The following PNPLA6 variants were observed in gnomAD, a reference collection of about 807,000 sequenced individuals.
PNPLA6 encodes the protein patatin-like phospholipase domain-containing protein 6.
PNPLA6 carries 105 observed loss-of-function variants against 153.7 expected under a neutral mutation model. The observed-to-expected ratio is 0.68, with a 90% CI of 0.58 to 0.80. The LOEUF (loss-of-function observed/expected upper bound fraction) is 0.80, where lower values mean the gene tolerates loss of function less well. PNPLA6 is among the 30% of genes least tolerant of loss of function. The pLI, the probability that PNPLA6 is intolerant of heterozygous loss-of-function variation, is 0.00. For synonymous variants in PNPLA6, 825 were observed against 822.2 expected, an observed-to-expected ratio of 1.00 and a Z score of -0.06; for missense variants, 1,423 against 1,919.3, an observed-to-expected ratio of 0.74 and a Z score of 4.83.
Position 7,550,336 on chromosome 19 carries a change from C to T in PNPLA6, c.1853C>T (p.Ala618Val), listed in dbSNP as rs568356836. ...CAGCCCAGTGTGGTGCTGAGTGCGGCGCACACGGTGGCAGCCAGGATGTCG... is the reference window on the plus strand; with the variant it reads ...CAGCCCAGTGTGGTGCTGAGTGCGGTGCACACGGTGGCAGCCAGGATGTCG... ...RAQPSVVLSAAHTVAARMSPF... is the reference protein window; with the variant it reads ...RAQPSVVLSAVHTVAARMSPF... Residue 618 changes from alanine (A) to valine (V), a missense_variant, in exon 15 of 32, where the codon GCG (alanine) becomes GTG (valine). This residue lies in a region of PNPLA6 where 119 missense variants were observed against 163.7 expected (regional missense o/e 0.73). Transcript: ENST00000600737. 3.7e-6 allele frequency: 6 copies of T among 1,612,604 alleles called. No individual in the cohort carries two copies. The highest frequency in any genetic ancestry group is 1.1e-5 in the South Asian group (1 of 91,090).
chr19:7,552,245 C>G (rs1357986513), intron 18 of PNPLA6, among the ~76,000 whole-genome samples: 1 of 152,206 alleles, frequency 6.6e-6, no homozygotes, highest in Non-Finnish European at 1.5e-5. Flanking sequence ...CCTGTTTCAG[C>G]CTGTGGCTTC....
intron 13 of PNPLA6, among the ~76,000 whole-genome samples, chr19:7,546,702 C>G (rs762115341): frequency 1.4e-4 from 22 of 152,128 alleles, no homozygotes; most frequent in Non-Finnish European, 2.8e-4. Flanking sequence ...AGCCACTGCA[C>G]CCGGCCTTAT....
rs1341352356 is a variant in PNPLA6 at position 7,555,282 on chromosome 19, G to T, written c.2851G>T (p.Ala951Ser). Residue 951 changes from alanine (A) to serine (S), a missense_variant, in exon 23 of 32, where the codon GCG (alanine) becomes TCG (serine). Ala to Ser is a moderately conservative substitution (Grantham distance 99). Transcript: ENST00000600737. The surrounding 1 kb of genome is among the most constrained non-coding windows in gnomAD (Gnocchi z 6.3). ...CTACGAGAAGGTTTTCTCCAGGCGC[G>T]CGGACCGGCACAGCGACTTCTCCCG... ...ELYEKVFSRR[A>S]DRHSDFSRLA... 6.9e-6 allele frequency: 11 copies of T among 1,595,766 alleles called. No homozygotes were observed. Among genetic ancestry groups the T allele is most frequent in the African/African-American group, 1.3e-5 (1 of 74,784 alleles).
At position 7,541,435 on chromosome 19, in the gene PNPLA6, G is replaced by T. The variant is rs772913881; in HGVS notation, c.1005+1G>T. The T allele has an allele frequency of 6.2e-7, 1 of 1,613,538 alleles. No individual in the cohort carries two copies. The highest frequency in any genetic ancestry group is 8.5e-7 in the Non-Finnish European group (1 of 1,179,578). The stretch of plus-strand genomic sequence containing the variant: ...TCTGACCAATGAGCTCTTCAGCCAC[G>T]TGAGTGGGTGGCGGGGAGCGAGCAC... On this transcript the variant is annotated splice_donor_variant, in intron 8 of 31. Coordinates refer to ENST00000600737, the MANE Select transcript of PNPLA6 (RefSeq NM_001166114.2). LOFTEE classifies it high-confidence loss of function. The surrounding 1 kb of genome is among the most constrained non-coding windows in gnomAD (Gnocchi z 5.2).
At chr19:7,549,861 C>T (rs775838518) in intron 13 of PNPLA6, 46 bp from the exon 14 acceptor site, 1 of 1,576,804 alleles carries the variant, frequency 6.3e-7, no homozygotes, top group Admixed American at 1.7e-5. Flanking sequence ...GAGCTGGGGT[C>T]CACGCTGTCC....
In PNPLA6 at chr19:7,543,062, T is replaced by A; in HGVS notation, c.1586T>A (p.Ile529Asn). ...VLLHHAKAGT[I>N]IARQGDQDVS... ...CTGCACCACGCCAAAGCTGGCACCA[T>A]CATTGCCCGCCAGGGAGACCAGGTG... The change falls in exon 13 of 32, where the codon ATC becomes AAC. Residue 529 changes from isoleucine to asparagine, a missense_variant. This residue lies in a region of PNPLA6 where 119 missense variants were observed against 163.7 expected (regional missense o/e 0.73). Transcript: ENST00000600737. The A allele has an allele frequency of 6.2e-7, 1 of 1,613,894 alleles. No homozygotes were observed. The highest frequency in any genetic ancestry group is 1.3e-5 in the African/African-American group (1 of 75,036).
Position 7,558,754 on chromosome 19 carries a change from G to A in PNPLA6, c.3398-96G>A, listed in dbSNP as rs889742218. On this transcript the variant is annotated intron_variant, in intron 27 of 31. Transcript: ENST00000600737. The stretch of plus-strand genomic sequence containing the variant: ...TGGGTATTCTCTCTTTTTTTTTTGC[G>A]TGATCATTTGCATGATGGCATCTGT... The A allele has an allele frequency of 6.8e-5, 56 of 826,332 alleles. No homozygotes were observed. In the East Asian group the frequency reaches 1.1e-3, roughly 16 times the overall value. 51.2% of individuals were successfully genotyped at this position (826,332 alleles called of 1,614,324 possible). A position where few individuals can be genotyped will look rare whatever the true frequency, so the allele number is the denominator to read the frequency against.
At chr19:7,551,180 T>C in intron 17 of PNPLA6, 73 bp downstream of exon 17, 2 of 216,650 alleles carry the variant, frequency 9.2e-6, no homozygotes, top group Non-Finnish European at 1.5e-5. Flanking sequence ...GCCTAGTGTG[T>C]GGGCGGGGCT....
intron 18 of PNPLA6, 105 bp from the exon 19 acceptor site, chr19:7,553,770 A>G: frequency 6.8e-7 from 1 of 1,467,252 alleles, no homozygotes; most frequent in East Asian, 2.3e-5. Flanking sequence ...GGAGCACAGG[A>G]GCAAGAATTT....
At position 7,555,608 on chromosome 19, in the gene PNPLA6, G is replaced by A; in HGVS notation, c.2938G>A (p.Gly980Ser). The change falls in exon 24 of 32, where the codon GGC (glycine) becomes AGC (serine). Residue 980 changes from glycine to serine, a missense_variant and splice_region_variant. Coordinates refer to ENST00000600737, the MANE Select transcript of PNPLA6 (RefSeq NM_001166114.2). The surrounding 1 kb of genome is among the most constrained non-coding windows in gnomAD (Gnocchi z 6.3). ...CACTGGGGCCCATTTTCCCGGCAGG[G>A]GCTGCTCGCACATCGGAGTACTAAA... is the stretch of plus-strand genomic sequence containing the variant. ...ALVLGGGGAR[G>S]CSHIGVLKAL... The A allele has an allele frequency of 6.2e-7, 1 of 1,611,530 alleles. No individual in the cohort carries two copies. Among genetic ancestry groups the A allele is most frequent in the Non-Finnish European group, 8.5e-7 (1 of 1,179,440 alleles).
chr19:7,536,253 G>A lies in PNPLA6; in HGVS notation c.295G>A (p.Gly99Ser). ...FRKRDKVLFY[G>S]RKIMRKVSQS... ...GAAGAGGGACAAAGTGCTCTTCTAT[G>A]GCCGGAAGATTATGCGGAAGGTGAG... The change falls in exon 2 of 32, where the codon GGC (glycine) becomes AGC (serine). Residue 99 changes from glycine (G) to serine (S), a missense_variant. Physicochemically the swap from Gly to Ser is moderately conservative, Grantham distance 56 (BLOSUM62 0). This residue lies in a region of PNPLA6 where 74 missense variants were observed against 171.3 expected (regional missense o/e 0.43). Transcript: ENST00000600737. The A allele has an allele frequency of 2.5e-6, 4 of 1,613,872 alleles. No homozygotes were observed. The highest frequency in any genetic ancestry group is 3.4e-6 in the Non-Finnish European group (4 of 1,179,812).
chr19:7,540,936 C>T lies in PNPLA6; in HGVS notation c.809C>T (p.Pro270Leu), dbSNP rs771167270. 1 of 1,612,968 alleles carries T rather than the reference C, an allele frequency of 6.2e-7. No individual in the cohort carries two copies. The highest frequency in any genetic ancestry group is 2.2e-5 in the East Asian group (1 of 44,868). The part of the protein sequence containing the change: ...ILDVITGHQH[P>L]QRTVSARAAR... Reference sequence around the variant, plus strand: ...CCCCTCCCCCAGGGTCACCAGCATCCCCAGCGGACCGTGTCTGCCCGGGCG... The same window carrying T: ...CCCCTCCCCCAGGGTCACCAGCATCTCCAGCGGACCGTGTCTGCCCGGGCG... The change falls in exon 7 of 32, where the codon CCC (proline) becomes CTC (leucine). Residue 270 changes from proline to leucine, a missense_variant. Pro to Leu is a moderately conservative substitution (Grantham distance 98, BLOSUM62 -3). Transcript: ENST00000600737. The surrounding 1 kb of genome is among the most constrained non-coding windows in gnomAD (Gnocchi z 6.8).
chr19:7,559,245 G>T, intron 28 of PNPLA6, 94 bp downstream of exon 28: 1 of 1,056,878 alleles, frequency 9.5e-7, no homozygotes, highest in Non-Finnish European at 1.5e-6. Context: ...AGGAATCCAG[G>T]AGGAATCCAG....
chr19:7,551,428 C>T lies in PNPLA6; in HGVS notation c.2251C>T (p.Pro751Ser). ...ILGNLQQLQG[P>S]FPGSGLGVPP... ...AGGGAATTTGCAGCAGCTGCAAGGA[C>T]CCTTCCCAGGTGAGAGCCGGCCGGC... The change falls in exon 18 of 32, where the codon CCC becomes TCC. Residue 751 changes from proline (P) to serine (S), a missense_variant. Physicochemically the swap from Pro to Ser is moderately conservative, Grantham distance 74 (BLOSUM62 -1). Coordinates refer to ENST00000600737, the MANE Select transcript of PNPLA6 (RefSeq NM_001166114.2). 6.2e-7 allele frequency: 1 copy of T among 1,613,892 alleles called. No individual in the cohort carries two copies. Among genetic ancestry groups the T allele is most frequent in the Non-Finnish European group, 8.5e-7 (1 of 1,179,914 alleles).
chr19:7,539,780 A>AG, intron 3 of PNPLA6, 138 bp from the exon 4 acceptor site: 1 of 546,200 alleles, frequency 1.8e-6, no homozygotes, highest in South Asian at 2.3e-5. Flanking sequence ...AAAAAAAAAA[A>AG]GGTGGCCAGC....
rs771873138 is a variant in PNPLA6 at position 7,541,637 on chromosome 19, C to T, written c.1121C>T (p.Pro374Leu). 4 of 1,586,834 alleles carry T rather than the reference C, an allele frequency of 2.5e-6. No individual in the cohort carries two copies. In the South Asian group the frequency reaches 4.5e-5, roughly 18 times the overall value. Residue 374 changes from proline to leucine, a missense_variant, in exon 9 of 32, where the codon CCA becomes CTA. By Grantham distance (98) the Pro-to-Leu change is moderately conservative (BLOSUM62 -3). Transcript: ENST00000600737. This position sits in a 1 kb window ranked among gnomAD's most constrained non-coding sequence, Gnocchi z 5.2. ...GCTACAGACGAGCCCAGGGAGACCC[C>T]AGGGCGGCCACCCGATCCCACCGGG... is the stretch of plus-strand genomic sequence containing the variant. ...TSATDEPRET[P>L]GRPPDPTGAP...
chr19:7,543,201 CCT>C, intron 13 of PNPLA6, 117 bp downstream of exon 13: 2 of 891,504 alleles, frequency 2.2e-6, no homozygotes, highest in Non-Finnish European at 3.7e-6. Flanking sequence ...TAGAAGCAGA[CCT>C]CTCTCATCCT....
intron 24 of PNPLA6, among the ~76,000 whole-genome samples, chr19:7,556,216 C>T (rs1375529056): frequency 2.6e-5 from 4 of 151,992 alleles, no homozygotes; most frequent in Non-Finnish European, 4.4e-5. Flanking sequence ...GCACGCCCCA[C>T]CAGCCCGGCA....
chr19:7,540,789 G>A lies in PNPLA6; in HGVS notation c.795+79G>A. ...GGACTAGGTTGAAGGAAATCACAGG[G>A]TCCCCAATCTCTGGTTCATCCGTTA... is the stretch of plus-strand genomic sequence containing the variant. On this transcript the variant is annotated intron_variant, in intron 6 of 31. Coordinates refer to ENST00000600737, the MANE Select transcript of PNPLA6 (RefSeq NM_001166114.2). The surrounding 1 kb of genome is among the most constrained non-coding windows in gnomAD (Gnocchi z 6.8). The A allele has an allele frequency of 6.5e-7, 1 of 1,543,036 alleles. No individual in the cohort carries two copies. Among genetic ancestry groups the A allele is most frequent in the East Asian group, 2.2e-5 (1 of 44,576 alleles).
Sources: gnomAD v4.1 joint callset for allele counts (sites outside exome capture counted in the v4.1 genomes callset) on GRCh38, gnomAD v4.1.1 for gene constraint, gnomAD v4.1.1 regional missense constraint, Gnocchi (gnomAD v3.1) non-coding constraint, MANE v1.5 for transcripts, NCBI Gene and HGNC (gene_info 2026-07-23, HGNC 2026-07-21) for gene names.